The following CDHR3 variants were observed in gnomAD, a reference collection of about 807,000 sequenced individuals.
The protein encoded by CDHR3 is cadherin-related family member 3.
Under a neutral mutation model 86.6 loss-of-function variants are expected in CDHR3, and 79 were observed. The observed-to-expected ratio is 0.91, with a 90% CI of 0.76 to 1.10. CDHR3 has a LOEUF of 1.10. Among genes scored for constraint, CDHR3 ranks in the 50% least tolerant of loss-of-function variants. CDHR3 has a pLI of 0.00. For missense variants in CDHR3, 1,081 were observed against 1,077.6 expected, an observed-to-expected ratio of 1.00 and a Z score of -0.04; for synonymous variants, 421 against 402.4, an observed-to-expected ratio of 1.05 and a Z score of -0.55.
intron 2 of CDHR3, among the ~76,000 whole-genome samples, chr7:105,977,266 A>G (rs1828973586): frequency 6.6e-6 from 1 of 152,302 alleles, no homozygotes; most frequent in South Asian, 2.1e-4. Context: ...CAGTCTCCTG[A>G]TTTCCAGTTC....
intron 18 of CDHR3, among the ~76,000 whole-genome samples, chr7:106,032,046 T>TC (rs1478502742): frequency 1.3e-5 from 2 of 152,188 alleles, no homozygotes; most frequent in Non-Finnish European, 2.9e-5. Context: ...TAACGGGTAA[T>TC]CCCATTAGAG....
intron 4 of CDHR3, among the ~76,000 whole-genome samples, chr7:105,992,067 C>A (rs1054012168): frequency 6.6e-6 from 1 of 152,174 alleles, no homozygotes; most frequent in Non-Finnish European, 1.5e-5. Flanking sequence ...CTTCTCAGTT[C>A]CCGTCATATC....
At chr7:105,975,633 C>G (rs1353674619) in intron 2 of CDHR3, among the ~76,000 whole-genome samples, 3 of 152,200 alleles carry the variant, frequency 2.0e-5, no homozygotes, top group Admixed American at 6.5e-5. Context: ...TCATTTGAAT[C>G]TTTTCCAAAG....
chr7:105,981,481 A>T (rs534012862), intron 3 of CDHR3, among the ~76,000 whole-genome samples: 1 of 152,064 alleles, frequency 6.6e-6, no homozygotes, highest in African/African-American at 2.4e-5. Flanking sequence ...TGGCTTGTTC[A>T]TTCTCCCCAT....
At position 106,013,020 on chromosome 7, in the gene CDHR3, G is replaced by A; in HGVS notation, c.1213G>A (p.Gly405Arg). 6.9e-6 allele frequency: 11 copies of A among 1,603,592 alleles called. No homozygotes were observed. The highest frequency in any genetic ancestry group is 9.4e-6 in the Non-Finnish European group (11 of 1,175,624). The change falls in exon 9 of 19, where the codon GGG (glycine) becomes AGG (arginine). Residue 405 changes from glycine to arginine, a missense_variant. By Grantham distance (125) the Gly-to-Arg change is moderately radical. Transcript: ENST00000317716. ...SRFLQDPAGS[G>R]KIVLIGDLDY... ...ATTTTTACAGGATCCAGCTGGCTCT[G>A]GGAAGATTGTGGTCAGTTAATGGTC... is the stretch of plus-strand genomic sequence containing the variant.
chr7:105,996,419 C>A, intron 6 of CDHR3, 65 bp downstream of exon 6: 1 of 845,520 alleles, frequency 1.2e-6, no homozygotes, highest in South Asian at 1.5e-5. Flanking sequence ...GGCCTCGTCT[C>A]CTCCGGCACA....
intron 9 of CDHR3, among the ~76,000 whole-genome samples, chr7:106,013,906 T>C (rs1185988670): frequency 6.6e-6 from 1 of 152,244 alleles, no homozygotes; most frequent in African/African-American, 2.4e-5. Context: ...TCTTTTCTTT[T>C]TTCTATAGAT....
At chr7:105,977,050 C>T (rs1828940082) in intron 2 of CDHR3, among the ~76,000 whole-genome samples, 1 of 149,608 alleles carries the variant, frequency 6.7e-6, no homozygotes, top group Admixed American at 6.7e-5. Context: ...TTCCTGGGCT[C>T]AAGTGATCCT....
rs768441031 is a variant in CDHR3, at chr7:106,032,524, G to C, written c.2485G>C (p.Gly829Arg). The stretch of plus-strand genomic sequence containing the variant: ...CCCACGCAGAGTCACTGCTGGGGAA[G>C]GGATGGGGTCACTGAGAAGTGCCAA... ...AAPRRVTAGE[G>R]MGSLRSANWE... The change falls in exon 19 of 19, where the codon GGG becomes CGG. Residue 829 changes from glycine to arginine, a missense_variant. By Grantham distance (125) the Gly-to-Arg change is moderately radical. Transcript: ENST00000317716. 1 of 1,614,034 alleles carries C rather than the reference G, an allele frequency of 6.2e-7. No homozygotes were observed. Among genetic ancestry groups the C allele is most frequent in the Non-Finnish European group, 8.5e-7 (1 of 1,179,892 alleles).
chr7:106,017,023 C>A (rs1253459873), intron 11 of CDHR3, among the ~76,000 whole-genome samples: 1 of 152,160 alleles, frequency 6.6e-6, no homozygotes, highest in South Asian at 2.1e-4. Context: ...GACCCACCAA[C>A]AATATTTGTA....
At chr7:105,989,651 A>G (rs1157175246) in intron 4 of CDHR3, among the ~76,000 whole-genome samples, 3 of 152,086 alleles carry the variant, frequency 2.0e-5, no homozygotes, top group African/African-American at 7.2e-5. Flanking sequence ...AGTGGTCATC[A>G]TATGCCAGAC....
intron 4 of CDHR3, among the ~76,000 whole-genome samples, chr7:105,987,166 A>C (rs762624081): frequency 6.6e-6 from 1 of 152,190 alleles, no homozygotes; most frequent in Non-Finnish European, 1.5e-5. Flanking sequence ...CCCAGGTAGG[A>C]AACAACTGCA....
intron 4 of CDHR3, among the ~76,000 whole-genome samples, chr7:105,990,246 G>A (rs2115727354): frequency 6.6e-6 from 1 of 152,324 alleles, no homozygotes; most frequent in Non-Finnish European, 1.5e-5. Flanking sequence ...TTTTGCATTT[G>A]TCATCGTGTC....
chr7:106,011,034 C>T (rs1251954515), intron 8 of CDHR3, among the ~76,000 whole-genome samples: 2 of 152,150 alleles, frequency 1.3e-5, no homozygotes, highest in Non-Finnish European at 2.9e-5. Context: ...TTTCAGAGCC[C>T]AGCAGCTGAG....
rs1418476737 is a variant in CDHR3, at chr7:106,030,422, C to T, written c.2305-370C>T. On this transcript the variant is annotated intron_variant, in intron 17 of 18. Coordinates refer to ENST00000317716, the MANE Select transcript of CDHR3 (RefSeq NM_152750.5). The surrounding 1 kb of genome is among the most constrained non-coding windows in gnomAD (Gnocchi z 4.8). The stretch of plus-strand genomic sequence containing the variant: ...TCACTGACACAACGTAGGTCTTAGC[C>T]ATGCTGTGTGGCATTTCCACTCTTC... Among the ~76,000 whole-genome samples the T allele has an allele frequency of 6.6e-6, 1 of 152,208 alleles. No individual in the cohort carries two copies. The highest frequency in any genetic ancestry group is 6.5e-5 in the Admixed American group (1 of 15,282).
intron 4 of CDHR3, among the ~76,000 whole-genome samples, chr7:105,984,583 G>A (rs1238134437): frequency 1.3e-5 from 2 of 152,170 alleles, no homozygotes; most frequent in Non-Finnish European, 2.9e-5. Context: ...CAGTAGAGAA[G>A]CTGTGAGTAT....
chr7:105,963,279 G>A lies in CDHR3; in HGVS notation c.-40G>A. 6.2e-7 allele frequency: 1 copy of A among 1,606,940 alleles called. No individual in the cohort carries two copies. Among genetic ancestry groups the A allele is most frequent in the Non-Finnish European group, 8.5e-7 (1 of 1,173,598 alleles). ...GGTGTGAGACGGGATTCAGGCTGTG[G>A]CTAATGTGCTGGAAGCACGCACAGT... is the stretch of plus-strand genomic sequence containing the variant. On this transcript the variant is annotated 5_prime_UTR_variant, in exon 1 of 19. Transcript: ENST00000317716.
intron 8 of CDHR3, among the ~76,000 whole-genome samples, chr7:106,011,813 T>TG: frequency 6.6e-6 from 1 of 152,218 alleles, no homozygotes; most frequent in Non-Finnish European, 1.5e-5. Flanking sequence ...GCTCTGAGTT[T>TG]GGGGGTAGCT....
chr7:105,982,391 C>G (rs1829882321), intron 3 of CDHR3, among the ~76,000 whole-genome samples: 1 of 149,828 alleles, frequency 6.7e-6, no homozygotes, highest in Non-Finnish European at 1.5e-5. Flanking sequence ...ATGGCATGAA[C>G]CCGGGAGGTG....
Sources: allele counts gnomAD v4.1 joint callset (sites outside exome capture counted in the v4.1 genomes callset), GRCh38; gene constraint gnomAD v4.1.1; non-coding constraint Gnocchi (gnomAD v3.1); transcripts MANE v1.5; gene names NCBI Gene and HGNC (gene_info 2026-07-23, HGNC 2026-07-21).